Variants in CCR6 observed in about 807,000 individuals in gnomAD.
The protein encoded by CCR6 is C-C chemokine receptor type 6.
In CCR6, 2 loss-of-function variants were observed where a neutral mutation model predicts 3.0. The ratio of observed to expected loss-of-function variants is 0.66; its 90% CI spans 0.27 to 2.07. CCR6 has a LOEUF of 2.07. CCR6 is among the 30% of genes most tolerant of loss of function. The pLI, the probability that CCR6 is intolerant of heterozygous loss-of-function variation, is 0.14. For synonymous variants in CCR6, 193 were observed against 184.3 expected (o/e 1.05, Z -0.38); for missense variants, 322 against 462.8 (o/e 0.70, Z 2.79).
intron 1 of CCR6, among the ~76,000 whole-genome samples, chr6:167,124,225 GA>G (rs1357596411): frequency 6.3e-5 from 7 of 111,762 alleles, no homozygotes; most frequent in Non-Finnish European, 1.3e-4. Flanking sequence ...AAATAAAACA[GA>G]AAACATAAAA....
intron 1 of CCR6, chr6:167,127,164 G>A (rs1781679819): frequency 1.3e-5 from 2 of 152,190 alleles, no homozygotes; most frequent in African/African-American, 4.8e-5. Context: ...TTAAAGAGAT[G>A]AGGTCTTGCT....
At chr6:167,135,889 GC>G in intron 1 of CCR6, 148 bp from the exon 2 acceptor site, 1 of 500,450 alleles carries the variant, frequency 2.0e-6, no homozygotes, top group South Asian at 3.8e-5. Flanking sequence ...GAAAGAGGTT[GC>G]TGATGCCTAT....
chr6:167,133,964 A>ATATATATATATG lies in CCR6; in HGVS notation c.-97-2068_-97-2067insTATATGTATATA, dbSNP rs1188778668. Among the ~76,000 whole-genome samples the ATATATATATATG allele has an allele frequency of 5.8e-4, 65 of 111,774 alleles. 1 individual carries two copies. The highest frequency in any genetic ancestry group is 3.9e-3 in the Admixed American group (41 of 10,522). 73.3% of individuals were successfully genotyped at this position (111,774 alleles called of 152,430 possible). ...TATATATATATATATATATATATAT[A>ATATATATATATG]TATATAGTTTTAACATCCAAATGGT... On this transcript the variant is annotated intron_variant, in intron 1 of 2. Coordinates refer to ENST00000341935, the MANE Select transcript of CCR6 (RefSeq NM_031409.4).
upstream of CCR6, among the ~76,000 whole-genome samples, chr6:167,121,928 T>C (rs1396101325): frequency 6.6e-6 from 1 of 152,006 alleles, no homozygotes; most frequent in African/African-American, 2.4e-5. Context: ...AGCAGAGTCT[T>C]TGGAGGGGAC....
At chr6:167,129,743 AGTCTCT>A (rs1251152868) in intron 1 of CCR6, among the ~76,000 whole-genome samples, 1 of 151,644 alleles carries the variant, frequency 6.6e-6, no homozygotes, top group Non-Finnish European at 1.5e-5. Context: ...AGACATGATG[AGTCTCT>A]CATTTGGTGT....
chr6:167,117,183 T>TATCCCTCCCCACCACCGTCCCCGC, intron 1 of CCR6: 2 of 152,032 alleles, frequency 1.3e-5, no homozygotes, highest in African/African-American at 2.4e-5. Context: ...TCAGCCTCTT[T>TATCCCTCCCCACCACCGTCCCCGC]ATCCCTCCCC....
chr6:167,114,287 G>A (rs1368864493), intron 1 of CCR6, among the ~76,000 whole-genome samples: 2 of 152,212 alleles, frequency 1.3e-5, no homozygotes, highest in African/African-American at 4.8e-5. Flanking sequence ...GGCTGGTGGA[G>A]ATGGTGGTTT....
intron 1 of CCR6, among the ~76,000 whole-genome samples, chr6:167,128,294 C>A (rs749063498): frequency 2.0e-5 from 3 of 152,238 alleles, no homozygotes; most frequent in Non-Finnish European, 2.9e-5. Context: ...TAACCACAAG[C>A]GTGACATGGG....
At chr6:167,119,487 T>G (rs1722168499), upstream of CCR6, 1 of 152,218 alleles carries the variant, frequency 6.6e-6, no homozygotes, top group Non-Finnish European at 1.5e-5. Context: ...TCTGAAAAAA[T>G]GATTCGTATC....
intron 1 of CCR6, among the ~76,000 whole-genome samples, chr6:167,134,725 A>T (rs545504880): frequency 3.1e-4 from 47 of 152,314 alleles, no homozygotes; most frequent in African/African-American, 1.1e-3. Context: ...CCCGCTTGGC[A>T]TGGCCAGGCC....
chr6:167,135,041 G>T (rs531049626), intron 1 of CCR6: 1 of 152,226 alleles, frequency 6.6e-6, no homozygotes, highest in African/African-American at 2.4e-5. Flanking sequence ...CCCATGCACC[G>T]CCACTGCTGG....
rs895872945 is a variant in CCR6 at position 167,136,690 on chromosome 6, T to C, written c.460T>C (p.Phe154Leu). 6.2e-7 allele frequency: 1 copy of C among 1,614,032 alleles called. No homozygotes were observed. Among genetic ancestry groups the C allele is most frequent in the Non-Finnish European group, 8.5e-7 (1 of 1,180,050 alleles). The change falls in exon 3 of 3, where the codon TTC (phenylalanine) becomes CTC (leucine). Residue 154 changes from phenylalanine to leucine, a missense_variant. Transcript: ENST00000341935. The surrounding 1 kb of genome is among the most constrained non-coding windows in gnomAD (Gnocchi z 4.6). ...YIAIVQATKSFRLRSRTLPRS... is the reference protein window; with the variant it reads ...YIAIVQATKSLRLRSRTLPRS... ...CGCCATTGTACAGGCGACTAAGTCA[T>C]TCCGGCTCCGATCCAGAACACTACC...
At position 167,138,176 on chromosome 6, in the gene CCR6, C is replaced by T. The variant is rs1781878422; in HGVS notation, c.*821C>T. 1 of 152,292 alleles carries T rather than the reference C, an allele frequency of 6.6e-6. No individual in the cohort carries two copies. The highest frequency in any genetic ancestry group is 6.5e-5 in the Admixed American group (1 of 15,280). The allele number at this position is 152,292 out of a possible 1,614,324, so 9.4% of individuals were successfully genotyped here. A position where few individuals can be genotyped will look rare whatever the true frequency, so the allele number is the denominator to read the frequency against. On this transcript the variant is annotated 3_prime_UTR_variant, in exon 3 of 3. Coordinates refer to ENST00000341935, the MANE Select transcript of CCR6 (RefSeq NM_031409.4). ...GAATAATCTTGCTCACAGCTGTGCT[C>T]TGAGTGCCTAGCGGAGTTCCAGCAA...
At chr6:167,130,975 C>CCCCTCCCTCCGAG (rs1491335734) in intron 1 of CCR6, among the ~76,000 whole-genome samples, 1 of 131,192 alleles carries the variant, frequency 7.6e-6, no homozygotes, top group Admixed American at 8.6e-5. Flanking sequence ...CCTCTGGGAC[C>CCCCTCCCTCCGAG]ACCCTCCCTC....
intron 1 of CCR6, chr6:167,134,996 C>T (rs1011261033): frequency 2.0e-5 from 3 of 152,356 alleles, no homozygotes; most frequent in Non-Finnish European, 2.9e-5. Context: ...CGCTCCAGCT[C>T]TTCCCGGTCT....
chr6:167,125,402 C>G (rs1421856927), intron 1 of CCR6, among the ~76,000 whole-genome samples: 1 of 152,248 alleles, frequency 6.6e-6, no homozygotes. Context: ...CCCCCCAACC[C>G]CTGCTCTTCT....
rs1781752816 is a variant in CCR6 at position 167,130,995 on chromosome 6, T to TTCCCTCCGGGACTCCTCCCTCTGGGCC, written c.-97-5043_-97-5042insTCCCTCCGGGACTCCTCCCTCTGGGCC. ...GGGACCACCCTCCCTCTGGACCCCC[T>TTCCCTCCGGGACTCCTCCCTCTGGGCC]CCCTTTGGGACCCCTCCTTCTGGGA... On this transcript the variant is annotated intron_variant, in intron 1 of 2. Transcript: ENST00000341935. Among the ~76,000 whole-genome samples the TTCCCTCCGGGACTCCTCCCTCTGGGCC allele has an allele frequency of 7.8e-5, 2 of 25,744 alleles. 1 individual carries two copies. Among genetic ancestry groups the TTCCCTCCGGGACTCCTCCCTCTGGGCC allele is most frequent in the South Asian group, 2.9e-3 (2 of 680 alleles). 16.9% of individuals were successfully genotyped at this position (25,744 alleles called of 152,430 possible).
intron 1 of CCR6, chr6:167,131,115 G>C (rs1781757059): frequency 6.6e-6 from 1 of 152,252 alleles, no homozygotes; most frequent in Admixed American, 6.5e-5. Context: ...CTGGCCTTCT[G>C]TTCACCAAGA....
intron 1 of CCR6, among the ~76,000 whole-genome samples, chr6:167,128,469 T>C (rs546024276): frequency 1.3e-5 from 2 of 152,400 alleles, no homozygotes; most frequent in African/African-American, 4.8e-5. Flanking sequence ...TAGTACTGAT[T>C]AACTAGCCTC....
Sources: allele counts gnomAD v4.1 joint callset (sites outside exome capture counted in the v4.1 genomes callset), GRCh38; gene constraint gnomAD v4.1.1; non-coding constraint Gnocchi (gnomAD v3.1); transcripts MANE v1.5; gene names NCBI Gene and HGNC (gene_info 2026-07-23, HGNC 2026-07-21).